SEC23IP: variants seen among roughly 807,000 people sequenced by gnomAD.
SEC23IP encodes SEC23 interacting protein, also known as SEC23-interacting protein.
A neutral mutation model predicts 113.4 loss-of-function variants in SEC23IP; 70 were observed. The observed-to-expected ratio is 0.62, with a 90% CI of 0.51 to 0.75. The LOEUF is 0.75. SEC23IP is among the 30% of genes least tolerant of loss of function. The pLI is 0.00. For synonymous variants in SEC23IP, 398 were observed against 421.0 expected (o/e 0.95, Z 0.67); for missense variants, 1,160 against 1,204.9 (o/e 0.96, Z 0.55).
chr10:119,933,985 C>T (rs1391286913), intron 18 of SEC23IP, among the ~76,000 whole-genome samples, 198 bp downstream of exon 18: 1 of 152,154 alleles, frequency 6.6e-6, no homozygotes, highest in African/African-American at 2.4e-5. Context: ...AGTCTTCTTT[C>T]TAAATTTACA....
In SEC23IP at chr10:119,898,292, T is replaced by A. The variant is rs954464236; in HGVS notation, c.164-135T>A. On this transcript the variant is annotated intron_variant, in intron 1 of 18. Transcript: ENST00000369075. ...TTTCAAAGAAAAAAAGAAAAAACTGTTTTTTTCTGTAATGCAGAAATAGCA... is the reference window on the plus strand; with the variant it reads ...TTTCAAAGAAAAAAAGAAAAAACTGATTTTTTCTGTAATGCAGAAATAGCA... 5.5e-5 allele frequency: 69 copies of A among 1,255,432 alleles called. No individual in the cohort carries two copies. The African/African-American group carries it at 1.7e-3, about 31-fold the overall frequency. 77.8% of individuals were successfully genotyped at this position (1,255,432 alleles called of 1,614,324 possible). A position where few individuals can be genotyped will look rare whatever the true frequency, so the allele number is the denominator to read the frequency against.
chr10:119,913,917 C>T (rs1015002068), intron 6 of SEC23IP, among the ~76,000 whole-genome samples: 25 of 151,664 alleles, frequency 1.6e-4, no homozygotes, highest in African/African-American at 5.3e-4. Flanking sequence ...TTTGGGAGGC[C>T]GAGGCAAGTG....
In SEC23IP at chr10:119,933,172, G is replaced by A; in HGVS notation, c.2921+5G>A. 6.2e-7 allele frequency: 1 copy of A among 1,611,926 alleles called. No homozygotes were observed. Among genetic ancestry groups the A allele is most frequent in the Non-Finnish European group, 8.5e-7 (1 of 1,178,900 alleles). ...TCAGAGTCACTTATGCTATTGGTAA[G>A]TGTTCTTAAATTTGGTAACATTTGA... On this transcript the variant is annotated splice_donor_5th_base_variant and intron_variant, in intron 17 of 18. Coordinates refer to ENST00000369075, the MANE Select transcript of SEC23IP (RefSeq NM_007190.4).
intron 6 of SEC23IP, among the ~76,000 whole-genome samples, chr10:119,912,496 G>A (rs923357600): frequency 1.3e-5 from 2 of 151,844 alleles, no homozygotes; most frequent in Admixed American, 1.3e-4. Context: ...ATATTAATGG[G>A]GTACACCTGA....
At chr10:119,939,792 C>T (rs1855905894) in intron 18 of SEC23IP, among the ~76,000 whole-genome samples, 1 of 152,098 alleles carries the variant, frequency 6.6e-6, no homozygotes, top group African/African-American at 2.4e-5. Context: ...GACTCCCAGG[C>T]TCAAGCGATC....
intron 18 of SEC23IP, among the ~76,000 whole-genome samples, chr10:119,937,503 A>G (rs939292497): frequency 5.3e-5 from 8 of 151,894 alleles, no homozygotes; most frequent in African/African-American, 1.7e-4. Context: ...GCTGGCACCT[A>G]TAATCCCAGC....
At chr10:119,926,435 T>C (rs1855425310) in intron 13 of SEC23IP, among the ~76,000 whole-genome samples, 1 of 152,240 alleles carries the variant, frequency 6.6e-6, no homozygotes, top group Non-Finnish European at 1.5e-5. Context: ...GTCTAACTTT[T>C]GAAATTGTCT....
intron 1 of SEC23IP, among the ~76,000 whole-genome samples, chr10:119,893,755 A>G (rs1179177315): frequency 6.6e-6 from 1 of 151,922 alleles, no homozygotes; most frequent in Non-Finnish European, 1.5e-5. Flanking sequence ...CCTGACCTCA[A>G]GTGATCCGCC....
chr10:119,919,678 C>T (rs531381440), intron 11 of SEC23IP, 82 bp downstream of exon 11: 2 of 1,097,584 alleles, frequency 1.8e-6, no homozygotes, highest in Non-Finnish European at 2.6e-6. Context: ...ATTTTCGTAT[C>T]AAAATACACT....
At chr10:119,893,052 T>C in intron 1 of SEC23IP, 107 bp downstream of exon 1, 2 of 1,276,154 alleles carry the variant, frequency 1.6e-6, no homozygotes, top group Non-Finnish European at 2.2e-6. Flanking sequence ...ACCCTCTGGA[T>C]AGCTTGCCAG....
intron 4 of SEC23IP, among the ~76,000 whole-genome samples, chr10:119,907,202 A>G (rs1027764369): frequency 6.6e-5 from 10 of 151,866 alleles, no homozygotes; most frequent in African/African-American, 2.2e-4. Context: ...AGGCTGAGGC[A>G]GGAGTATCTC....
rs902973058 is a variant in SEC23IP, at chr10:119,941,887, A to T, written c.*1322A>T. On this transcript the variant is annotated 3_prime_UTR_variant, in exon 19 of 19. Transcript: ENST00000369075. ...TAGAACAGCAAGATTGTAGAGCTGT[A>T]ATTGACTCCAGACAACATAGATTTC... 8 of 152,540 alleles carry T rather than the reference A, an allele frequency of 5.2e-5. No homozygotes were observed. The highest frequency in any genetic ancestry group is 1.9e-4 in the African/African-American group (8 of 41,456). The allele number at this position is 152,540 out of a possible 1,614,324, so 9.4% of individuals were successfully genotyped here. A position where few individuals can be genotyped will look rare whatever the true frequency, so the allele number is the denominator to read the frequency against.
Position 119,919,442 on chromosome 10 carries a change from A to T in SEC23IP, c.1873-2A>T. The stretch of plus-strand genomic sequence containing the variant: ...ATGTTTTTCATACTTTTTTTTTTAA[A>T]GATGCCTGAAGAGCCAAAGCTGACT... On this transcript the variant is annotated splice_acceptor_variant, in intron 10 of 18. Transcript: ENST00000369075. LOFTEE classifies it high-confidence loss of function. 6.3e-7 allele frequency: 1 copy of T among 1,579,002 alleles called. No individual in the cohort carries two copies. Among genetic ancestry groups the T allele is most frequent in the Admixed American group, 2.0e-5 (1 of 49,642 alleles).
rs759389804 is a variant in SEC23IP at position 119,902,770 on chromosome 10, G to T, written c.697-29G>T. On this transcript the variant is annotated intron_variant, in intron 2 of 18. Transcript: ENST00000369075. ...ATTCAGAATTCTTTTGGACAAGCAT[G>T]ACAGTCTTAACTTTGCCGTCCCCTC... 7 of 1,590,630 alleles carry T rather than the reference G, an allele frequency of 4.4e-6. No individual in the cohort carries two copies. The South Asian group carries it at 7.8e-5, about 18-fold the overall frequency.
chr10:119,939,399 T>C (rs979548115), intron 18 of SEC23IP, among the ~76,000 whole-genome samples: 1 of 152,124 alleles, frequency 6.6e-6, no homozygotes, highest in Non-Finnish European at 1.5e-5. Flanking sequence ...ATTAATATTT[T>C]AGCTGGTCAC....
intron 15 of SEC23IP, among the ~76,000 whole-genome samples, 182 bp downstream of exon 15, chr10:119,930,613 CTT>C (rs1268385840): frequency 6.6e-6 from 1 of 152,132 alleles, no homozygotes; most frequent in Admixed American, 6.5e-5. Flanking sequence ...AATTATTTCT[CTT>C]TGATGGCATT....
At position 119,892,836 on chromosome 10, in the gene SEC23IP, G is replaced by A. The variant is rs1854136558; in HGVS notation, c.54G>A (p.Ser18=). 6.2e-7 allele frequency: 1 copy of A among 1,613,504 alleles called. No individual in the cohort carries two copies. The highest frequency in any genetic ancestry group is 1.3e-5 in the African/African-American group (1 of 74,902). Reference sequence around the variant, plus strand: ...GCGGCGGCGCCTCCACTTCCTCATCGGGCACTAACTTACTTTTCTCCTCCT... The same window carrying A: ...GCGGCGGCGCCTCCACTTCCTCATCAGGCACTAACTTACTTTTCTCCTCCT... ...GGSGGASTSS[S]GTNLLFSSSA... is the part of the protein sequence containing the mutation. Residue 18 remains serine, a synonymous_variant, in exon 1 of 19, where the codon TCG becomes TCA. Coordinates refer to ENST00000369075, the MANE Select transcript of SEC23IP (RefSeq NM_007190.4).
intron 16 of SEC23IP, 46 bp from the exon 17 acceptor site, chr10:119,932,959 A>G: frequency 6.5e-7 from 1 of 1,547,722 alleles, no homozygotes; most frequent in Non-Finnish European, 8.9e-7. Flanking sequence ...GTCAAAGGAT[A>G]AAGATTAAGT....
chr10:119,939,088 C>T (rs1388645433), intron 18 of SEC23IP, among the ~76,000 whole-genome samples: 3 of 151,702 alleles, frequency 2.0e-5, no homozygotes, highest in South Asian at 2.1e-4. Flanking sequence ...GCAGGCAGAT[C>T]GCTTGAGCTC....
Sources: gnomAD v4.1 joint callset for allele counts (sites outside exome capture counted in the v4.1 genomes callset) on GRCh38, gnomAD v4.1.1 for gene constraint, MANE v1.5 for transcripts, NCBI Gene and HGNC (gene_info 2026-07-23, HGNC 2026-07-21) for gene names.